The following ZCCHC14 variants were observed in gnomAD, a reference collection of about 807,000 sequenced individuals.
ZCCHC14 encodes zinc finger CCHC-type containing 14.
A neutral mutation model predicts 85.0 loss-of-function variants in ZCCHC14; 16 were observed. The observed-to-expected ratio is 0.19, with a 90% CI of 0.13 to 0.29. The LOEUF (loss-of-function observed/expected upper bound fraction) is 0.29. ZCCHC14 is among the 10% of genes least tolerant of loss of function. The probability of loss-of-function intolerance (pLI) is 1.00; values close to 1 mark genes in which losing one functional copy is unlikely to be tolerated. For synonymous variants in ZCCHC14, 775 were observed against 630.7 expected (o/e 1.23, Z -3.43); for missense variants, 1,303 against 1,443.5 (o/e 0.90, Z 1.58).
intron 1 of ZCCHC14, chr16:87,473,641 T>C (rs1467497815): frequency 6.6e-6 from 1 of 152,232 alleles, no homozygotes; most frequent in East Asian, 1.9e-4. Flanking sequence ...TAAACTGCGT[T>C]ATCATGACCA....
intron 2 of ZCCHC14, among the ~76,000 whole-genome samples, chr16:87,446,267 T>C (rs1910433995): frequency 6.6e-6 from 1 of 151,934 alleles, no homozygotes; most frequent in South Asian, 2.1e-4. Context: ...GTGGATCACT[T>C]GAGGTCAGAA....
intron 1 of ZCCHC14, among the ~76,000 whole-genome samples, chr16:87,468,295 GATTTT>G (rs1011378002): frequency 1.3e-5 from 2 of 152,026 alleles, no homozygotes; most frequent in African/African-American, 2.4e-5. Context: ...CAATGGTAAG[GATTTT>G]ATTTAACATT....
chr16:87,439,004 T>C (rs1055376314), intron 2 of ZCCHC14, among the ~76,000 whole-genome samples: 2 of 152,192 alleles, frequency 1.3e-5, no homozygotes, highest in Non-Finnish European at 2.9e-5. Context: ...TTTACCACTA[T>C]ATTGCTATTT....
At position 87,492,814 on chromosome 16, in the gene ZCCHC14, A is replaced by C. The variant is rs1293629272; in HGVS notation, c.-576T>G. On this transcript the variant is annotated 5_prime_UTR_variant, in exon 1 of 13. Transcript: ENST00000671377. This position sits in a 1 kb window ranked among gnomAD's most constrained non-coding sequence, Gnocchi z 6.7. ...GCCGCGGCCGCGAAACGGACGCTGG[A>C]GGGGGAGGGACGCGCGGCGGGAGGC... 5.5e-5 allele frequency among the ~76,000 whole-genome samples: 8 copies of C among 144,800 alleles called. No homozygotes were observed. Among genetic ancestry groups the C allele is most frequent in the Non-Finnish European group, 1.5e-5 (1 of 65,658 alleles). 95.0% of individuals were successfully genotyped at this position (144,800 alleles called of 152,430 possible).
intron 1 of ZCCHC14, among the ~76,000 whole-genome samples, chr16:87,468,583 C>G (rs1911636622): frequency 6.6e-6 from 1 of 152,180 alleles, no homozygotes. Flanking sequence ...GCCTCAGGTT[C>G]AAACCCCTTC....
intron 2 of ZCCHC14, among the ~76,000 whole-genome samples, chr16:87,443,797 G>A (rs556618926): frequency 2.0e-5 from 3 of 152,174 alleles, no homozygotes; most frequent in Admixed American, 6.5e-5. Flanking sequence ...AGCACTTTGG[G>A]AGGCTGAGGC....
chr16:87,412,073 C>T lies in ZCCHC14; in HGVS notation c.2648G>A (p.Ser883Asn). The change falls in exon 12 of 13, where the codon AGC (serine) becomes AAC (asparagine). Residue 883 changes from serine (S) to asparagine (N), a missense_variant. Ser to Asn is a conservative substitution (Grantham distance 46, BLOSUM62 1). Around this residue, in one of 7 missense-constraint regions of ZCCHC14, gnomAD observed 797 missense variants for 730.8 expected, o/e 1.09. Coordinates refer to ENST00000671377, the MANE Select transcript of ZCCHC14 (RefSeq NM_015144.3). ...SSVPESSFYS[S>N]SGGGGSTGNI... is the part of the protein sequence containing the mutation. ...TCCTGTGGAGCCGCCACCGCCACTG[C>T]TGCTATAGAAACTGCTTTCAGGGAC... The T allele has an allele frequency of 2.5e-6, 4 of 1,612,032 alleles. No homozygotes were observed. Among genetic ancestry groups the T allele is most frequent in the Non-Finnish European group, 3.4e-6 (4 of 1,180,032 alleles).
At position 87,417,765 on chromosome 16, in the gene ZCCHC14, A is replaced by AC. The variant is rs1908871300; in HGVS notation, c.1101-24dup. On this transcript the variant is annotated intron_variant, in intron 7 of 12. Transcript: ENST00000671377. ...GGCCTGTGGGACAGGGGCAGGAGGG[A>AC]CACAGAGAGACTGTGGCTTCCACAA... The AC allele has an allele frequency of 2.6e-6, 4 of 1,543,822 alleles. No homozygotes were observed. In the South Asian group the frequency reaches 4.9e-5, roughly 19 times the overall value.
chr16:87,447,481 C>A (rs1417378619), intron 2 of ZCCHC14, among the ~76,000 whole-genome samples: 1 of 152,138 alleles, frequency 6.6e-6, no homozygotes, highest in Non-Finnish European at 1.5e-5. Flanking sequence ...GGACCATACA[C>A]GGGCCCTGCT....
intron 1 of ZCCHC14, among the ~76,000 whole-genome samples, chr16:87,475,136 G>A (rs1009620263): frequency 1.3e-5 from 2 of 152,228 alleles, no homozygotes; most frequent in Non-Finnish European, 2.9e-5. Flanking sequence ...ACACACCCAT[G>A]CTGCCAGCAC....
chr16:87,418,798 T>C (rs764537084), intron 7 of ZCCHC14, 49 bp downstream of exon 7: 75 of 1,566,654 alleles, frequency 4.8e-5, no homozygotes, highest in South Asian at 1.5e-4. Flanking sequence ...AAAGTAAACA[T>C]TGTAAAATGC....
chr16:87,419,075 G>C (rs1434520388), intron 6 of ZCCHC14, among the ~76,000 whole-genome samples, 174 bp from the exon 7 acceptor site: 1 of 152,038 alleles, frequency 6.6e-6, no homozygotes, highest in Admixed American at 6.6e-5. Flanking sequence ...TCCTGCCTCA[G>C]CCTCCCGAGT....
At position 87,423,876 on chromosome 16, in the gene ZCCHC14, C is replaced by A; in HGVS notation, c.774G>T (p.Leu258Phe). Residue 258 changes from leucine to phenylalanine, a missense_variant, in exon 4 of 13, where the codon TTG becomes TTT. Coordinates refer to ENST00000671377, the MANE Select transcript of ZCCHC14 (RefSeq NM_015144.3). ...DRNVECSFEV[L>F]WSDSSITSVT... ...CTGATGTTATTGAAGAATCAGACCA[C>A]AAGACCTTAAAAACAAACAAACAAA... 1.2e-6 allele frequency: 2 copies of A among 1,614,038 alleles called. No individual in the cohort carries two copies. The highest frequency in any genetic ancestry group is 1.7e-6 in the Non-Finnish European group (2 of 1,179,960).
intron 3 of ZCCHC14, among the ~76,000 whole-genome samples, chr16:87,429,672 T>C (rs1273534860): frequency 1.3e-5 from 2 of 151,998 alleles, no homozygotes; most frequent in Admixed American, 1.3e-4. Flanking sequence ...AGTGGCATGA[T>C]CTTGGCTCAC....
intron 7 of ZCCHC14, among the ~76,000 whole-genome samples, chr16:87,418,453 C>A (rs1908911943): frequency 1.3e-5 from 2 of 152,238 alleles, no homozygotes; most frequent in South Asian, 4.1e-4. Context: ...GCCCACCTCA[C>A]TGTCAGCAAA....
intron 1 of ZCCHC14, among the ~76,000 whole-genome samples, chr16:87,486,768 C>G (rs1423190530): frequency 6.6e-6 from 1 of 152,172 alleles, no homozygotes; most frequent in African/African-American, 2.4e-5. Flanking sequence ...ACAAAGACAG[C>G]CAGAAGACTT....
intron 2 of ZCCHC14, among the ~76,000 whole-genome samples, chr16:87,438,053 C>T (rs1397911397): frequency 6.6e-6 from 1 of 152,248 alleles, no homozygotes; most frequent in Non-Finnish European, 1.5e-5. Context: ...ATGGTTGTGA[C>T]AGCCTGCCAC....
Position 87,421,608 on chromosome 16 carries a change from C to T in ZCCHC14, c.841-892G>A, listed in dbSNP as rs531935488. Among the ~76,000 whole-genome samples the T allele has an allele frequency of 3.9e-5, 6 of 152,184 alleles. No homozygotes were observed. The South Asian group carries it at 1.0e-3, about 26-fold the overall frequency. On this transcript the variant is annotated intron_variant, in intron 4 of 12. Coordinates refer to ENST00000671377, the MANE Select transcript of ZCCHC14 (RefSeq NM_015144.3). ...CAAACAAGCAGCAGCGGTCTACCCC[C>T]GAAAAGGGGCCGAGAGGGTAGAGAG...
In ZCCHC14 at chr16:87,420,689, A is replaced by G. The variant is rs897768073; in HGVS notation, c.868T>C (p.Leu290=). ...GCTAAGCAAGGAATGAGTTTCTCCA[A>G]GTTCTCTTCAGGATAGAGCTGACAT... The part of the protein sequence containing the change: ...KLCQLYPEEN[L]EKLIPCLAGP... The change falls in exon 5 of 13, where the codon TTG becomes CTG. Residue 290 remains leucine (L), a synonymous_variant. Transcript: ENST00000671377. The surrounding 1 kb of genome is among the most constrained non-coding windows in gnomAD (Gnocchi z 5.0). The G allele has an allele frequency of 2.5e-6, 4 of 1,613,624 alleles. No individual in the cohort carries two copies.
Sources: allele counts gnomAD v4.1 joint callset (sites outside exome capture counted in the v4.1 genomes callset), GRCh38; gene constraint gnomAD v4.1.1; regional missense constraint gnomAD v4.1.1; non-coding constraint Gnocchi (gnomAD v3.1); transcripts MANE v1.5; gene names NCBI Gene and HGNC (gene_info 2026-07-23, HGNC 2026-07-21).